ZFHX3: variants seen among roughly 807,000 people sequenced by gnomAD.
ZFHX3 encodes the protein zinc finger homeobox 3, also known as zinc finger homeobox protein 3.
Under a neutral mutation model 279.1 loss-of-function variants are expected in ZFHX3, and 42 were observed. That is an observed-to-expected ratio of 0.15 (90% CI 0.12 to 0.19). The LOEUF (loss-of-function observed/expected upper bound fraction) is 0.19, where lower values mean the gene tolerates loss of function less well. Ranked by LOEUF, ZFHX3 falls within the 10% of genes least tolerant of loss-of-function variation. ZFHX3 has a pLI of 1.00. For synonymous variants in ZFHX3, 2,293 were observed against 1,957.8 expected, an observed-to-expected ratio of 1.17 and a Z score of -4.52; for missense variants, 4,981 against 4,754.0, an observed-to-expected ratio of 1.05 and a Z score of -1.40.
intron 2 of ZFHX3, among the ~76,000 whole-genome samples, chr16:73,586,569 C>T (rs1229655331): frequency 6.6e-6 from 1 of 151,768 alleles, no homozygotes; most frequent in Non-Finnish European, 1.5e-5. Flanking sequence ...AGTATCAGTT[C>T]CTCAGAAAGA....
At chr16:72,850,550 C>G (rs975179717) in intron 4 of ZFHX3, among the ~76,000 whole-genome samples, 1 of 152,124 alleles carries the variant, frequency 6.6e-6, no homozygotes, top group Non-Finnish European at 1.5e-5. Context: ...GCTCAAGGAA[C>G]TGGGGATATA....
At chr16:73,671,560 G>C (rs1484675061) in intron 2 of ZFHX3, among the ~76,000 whole-genome samples, 1 of 152,182 alleles carries the variant, frequency 6.6e-6, no homozygotes, top group Non-Finnish European at 1.5e-5. Context: ...TTAACAAATT[G>C]GTTTTATTTC....
intron 2 of ZFHX3, among the ~76,000 whole-genome samples, chr16:73,674,992 G>A (rs918106405): frequency 6.6e-6 from 1 of 152,120 alleles, no homozygotes; most frequent in East Asian, 1.9e-4. Context: ...TACATTTGGT[G>A]GTTTGTAATG....
intron 2 of ZFHX3, chr16:73,483,343 G>GAGAGACAA (rs1487276904): frequency 2.7e-5 from 11 of 406,568 alleles, no homozygotes; most frequent in African/African-American, 1.6e-4. Flanking sequence ...GAGACAGAGA[G>GAGAGACAA]AGAGAGAAAG....
At chr16:72,921,804 CAGG>C (rs1161714262) in intron 3 of ZFHX3, among the ~76,000 whole-genome samples, 1 of 152,198 alleles carries the variant, frequency 6.6e-6, no homozygotes, top group Non-Finnish European at 1.5e-5. Context: ...TGTCCTGAGC[CAGG>C]AGGAGACAGG....
intron 5 of ZFHX3, among the ~76,000 whole-genome samples, chr16:73,217,666 A>G (rs1016768276): frequency 6.6e-6 from 1 of 151,934 alleles, no homozygotes; most frequent in Non-Finnish European, 1.5e-5. Flanking sequence ...CGTCAGGCCC[A>G]CTCCACGGGG....
At chr16:73,467,177 G>A (rs1418985821) in intron 2 of ZFHX3, among the ~76,000 whole-genome samples, 1 of 152,212 alleles carries the variant, frequency 6.6e-6, no homozygotes, top group East Asian at 1.9e-4. Context: ...CAGGAGTCAG[G>A]AAAAGAGAGG....
intron 7 of ZFHX3, among the ~76,000 whole-genome samples, chr16:73,121,880 G>A (rs1307374613): frequency 6.6e-6 from 1 of 152,136 alleles, no homozygotes; most frequent in Non-Finnish European, 1.5e-5. Flanking sequence ...CTCCGAAAGT[G>A]TTGGGATTAC....
intron 4 of ZFHX3, among the ~76,000 whole-genome samples, chr16:72,860,665 A>G (rs894122018): frequency 4.6e-5 from 7 of 152,106 alleles, no homozygotes; most frequent in Non-Finnish European, 1.0e-4. Context: ...CCTGACCTTA[A>G]GTGATCCACC....
At chr16:73,358,669 C>T (rs2016384767) in intron 3 of ZFHX3, among the ~76,000 whole-genome samples, 1 of 152,216 alleles carries the variant, frequency 6.6e-6, no homozygotes, top group African/African-American at 2.4e-5. Context: ...GACCTCTCAT[C>T]CATATATGCA....
At chr16:73,250,915 A>G (rs551043918) in intron 5 of ZFHX3, among the ~76,000 whole-genome samples, 1 of 152,114 alleles carries the variant, frequency 6.6e-6, no homozygotes, top group South Asian at 2.1e-4. Context: ...CCTTCCTTCA[A>G]TACAGCCCTT....
chr16:73,323,235 T>C (rs2093908758), intron 3 of ZFHX3, among the ~76,000 whole-genome samples: 1 of 151,980 alleles, frequency 6.6e-6, no homozygotes, highest in Non-Finnish European at 1.5e-5. Context: ...GCATCCTTGG[T>C]AGGGGAAACA....
intron 5 of ZFHX3, among the ~76,000 whole-genome samples, chr16:73,167,341 A>C (rs1967398676): frequency 6.6e-6 from 1 of 152,224 alleles, no homozygotes; most frequent in African/African-American, 2.4e-5. Flanking sequence ...CACACGTTTA[A>C]TCCATGTGCT....
chr16:73,661,224 G>A (rs567162444), intron 2 of ZFHX3, among the ~76,000 whole-genome samples: 1 of 152,310 alleles, frequency 6.6e-6, no homozygotes, highest in African/African-American at 2.4e-5. Flanking sequence ...AAGCAAAGAA[G>A]CCTTTGAAAA....
At chr16:73,299,939 T>A (rs371523644) in intron 4 of ZFHX3, among the ~76,000 whole-genome samples, 14 of 152,272 alleles carry the variant, frequency 9.2e-5, no homozygotes, top group African/African-American at 2.4e-4. Flanking sequence ...CAAATCTGAA[T>A]GATTTGTGTT....
At chr16:73,357,917 A>AC (rs1567459757) in intron 3 of ZFHX3, among the ~76,000 whole-genome samples, 1 of 152,016 alleles carries the variant, frequency 6.6e-6, no homozygotes, top group Non-Finnish European at 1.5e-5. Flanking sequence ...TGCTCTCAGG[A>AC]GAAGGAAAGG....
intron 3 of ZFHX3, among the ~76,000 whole-genome samples, chr16:73,451,177 A>C (rs1567488178): frequency 6.6e-6 from 1 of 152,210 alleles, no homozygotes. Context: ...ATTTGAAAAC[A>C]ACAGGCACCT....
chr16:73,099,391 A>AC (rs1423334485), intron 7 of ZFHX3: 2 of 152,112 alleles, frequency 1.3e-5, no homozygotes, highest in Non-Finnish European at 2.9e-5. Context: ...TTAGGTTCTT[A>AC]CCACAGCTTT....
intron 7 of ZFHX3, among the ~76,000 whole-genome samples, chr16:73,129,264 T>G (rs1202681951): frequency 2.0e-5 from 3 of 152,026 alleles, no homozygotes; most frequent in Non-Finnish European, 4.4e-5. Context: ...GGTGGGTTCC[T>G]GTAATCCCAG....
Sources: allele counts gnomAD v4.1 joint callset (sites outside exome capture counted in the v4.1 genomes callset), GRCh38; gene constraint gnomAD v4.1.1; transcripts MANE v1.5; gene names NCBI Gene and HGNC (gene_info 2026-07-23, HGNC 2026-07-21).